PCBP3: variants seen among roughly 807,000 people sequenced by gnomAD.
PCBP3 encodes the protein poly(rC) binding protein 3, also known as poly(rC)-binding protein 3.
A neutral mutation model predicts 52.7 loss-of-function variants in PCBP3; 25 were observed. The ratio of observed to expected loss-of-function variants is 0.47; its 90% CI spans 0.35 to 0.66. PCBP3 has a LOEUF of 0.66. Ranked by LOEUF, PCBP3 falls within the 30% of genes least tolerant of loss-of-function variation. The pLI is 0.01. For synonymous variants in PCBP3, 162 were observed against 183.0 expected (o/e 0.89, Z 0.93); for missense variants, 391 against 490.3 (o/e 0.80, Z 1.91).
At chr21:45,744,596 T>G (rs953535118) in intron 3 of PCBP3, among the ~76,000 whole-genome samples, 3 of 152,220 alleles carry the variant, frequency 2.0e-5, no homozygotes, top group Non-Finnish European at 4.4e-5. Context: ...CCAAAATAGC[T>G]TTCATTTATA....
At chr21:45,677,115 G>C (rs1178685923) in intron 2 of PCBP3, among the ~76,000 whole-genome samples, 1 of 152,176 alleles carries the variant, frequency 6.6e-6, no homozygotes, top group Non-Finnish European at 1.5e-5. Context: ...AGTGAGGAAG[G>C]CATGTTGAAA....
chr21:45,854,693 G>T (rs1234648243), intron 5 of PCBP3, among the ~76,000 whole-genome samples: 9 of 152,246 alleles, frequency 5.9e-5, no homozygotes, highest in Admixed American at 5.9e-4. Context: ...CGGTGCCCTT[G>T]TGTGTGCCTA....
chr21:45,886,770 C>T (rs974947128), intron 5 of PCBP3, among the ~76,000 whole-genome samples: 8 of 152,156 alleles, frequency 5.3e-5, no homozygotes, highest in Admixed American at 1.3e-4. Context: ...TTACTGACCC[C>T]GCATTGCCTC....
At chr21:45,722,624 A>T (rs2148341004) in intron 2 of PCBP3, among the ~76,000 whole-genome samples, 1 of 152,304 alleles carries the variant, frequency 6.6e-6, no homozygotes, top group East Asian at 1.9e-4. Context: ...AGCTGTTATA[A>T]ATATTTTCTA....
intron 5 of PCBP3, among the ~76,000 whole-genome samples, chr21:45,856,224 T>G (rs1389209779): frequency 1.3e-5 from 2 of 152,182 alleles, no homozygotes; most frequent in Non-Finnish European, 2.9e-5. Context: ...ACATTTGCCA[T>G]GTATTGCCTC....
At chr21:45,860,456 A>C (rs1174179245) in intron 5 of PCBP3, among the ~76,000 whole-genome samples, 1 of 152,180 alleles carries the variant, frequency 6.6e-6, no homozygotes, top group Non-Finnish European at 1.5e-5. Context: ...TGTGTTGAAC[A>C]CGCAGTTGGG....
At chr21:45,747,579 C>T (rs1397949679) in intron 3 of PCBP3, among the ~76,000 whole-genome samples, 3 of 152,184 alleles carry the variant, frequency 2.0e-5, no homozygotes, top group South Asian at 2.1e-4. Flanking sequence ...TGTGGAAATG[C>T]GGGCCCCAGA....
Position 45,904,246 on chromosome 21 carries a change from C to T in PCBP3, c.339+3133C>T, listed in dbSNP as rs930314248. ...GGTACAAGCCTTCCAGTCATCAGTC[C>T]ATGGAGGAAGAGCTGAGATGTCTCC... On this transcript the variant is annotated intron_variant, in intron 9 of 17. Transcript: ENST00000681687. The surrounding 1 kb of genome is among the most constrained non-coding windows in gnomAD (Gnocchi z 4.8). Among the ~76,000 whole-genome samples the T allele has an allele frequency of 6.6e-6, 1 of 152,190 alleles. No homozygotes were observed. The highest frequency in any genetic ancestry group is 1.5e-5 in the Non-Finnish European group (1 of 68,032).
At chr21:45,901,585 T>G (rs2839039) in intron 9 of PCBP3, 149,623 of 187,590 alleles carry the variant, frequency 0.8, 60,807 homozygotes, top group East Asian at 1. Context: ...GATGTAGCCT[T>G]GCTGAGATAC....
chr21:45,878,221 G>A (rs917364309), intron 5 of PCBP3, among the ~76,000 whole-genome samples: 13 of 152,376 alleles, frequency 8.5e-5, no homozygotes, highest in South Asian at 2.1e-4. Context: ...TCTCCCACCA[G>A]AGGACCTGTG....
intron 9 of PCBP3, among the ~76,000 whole-genome samples, chr21:45,905,263 C>T (rs542519577): frequency 6.6e-6 from 1 of 152,346 alleles, no homozygotes; most frequent in East Asian, 1.9e-4. Context: ...TCTCCGTCTG[C>T]ACTGGCCTCG....
chr21:45,892,584 G>T (rs1213799431), intron 5 of PCBP3, among the ~76,000 whole-genome samples: 1 of 152,002 alleles, frequency 6.6e-6, no homozygotes, highest in African/African-American at 2.4e-5. Context: ...GGGGAAGCAG[G>T]CATGGTCTGT....
In PCBP3 at chr21:45,724,152, A is replaced by C. The variant is rs1159206787; in HGVS notation, c.-199-11240A>C. On this transcript the variant is annotated intron_variant, in intron 2 of 17. Transcript: ENST00000681687. This position sits in a 1 kb window ranked among gnomAD's most constrained non-coding sequence, Gnocchi z 5.3. Reference sequence around the variant, plus strand: ...TGAAGTCAGATCCTTCCTGTGGCCTATTTAGGTTTTAGGTAAAAACATAGC... The same window carrying C: ...TGAAGTCAGATCCTTCCTGTGGCCTCTTTAGGTTTTAGGTAAAAACATAGC... Among the ~76,000 whole-genome samples, 2 of 152,198 alleles carry C rather than the reference A, an allele frequency of 1.3e-5. No homozygotes were observed. Among genetic ancestry groups the C allele is most frequent in the Non-Finnish European group, 2.9e-5 (2 of 68,030 alleles).
At chr21:45,647,382 C>T (rs1004150322) in intron 1 of PCBP3, among the ~76,000 whole-genome samples, 1 of 152,192 alleles carries the variant, frequency 6.6e-6, no homozygotes, top group Non-Finnish European at 1.5e-5. Context: ...AAGGGCTCAC[C>T]TGTTCGGATT....
chr21:45,911,190 T>C (rs754547405), intron 11 of PCBP3, 160 bp downstream of exon 11: 2 of 792,730 alleles, frequency 2.5e-6, no homozygotes, highest in South Asian at 3.0e-5. Context: ...GCGGTGCCGG[T>C]ATGGGCGCCA....
At chr21:45,775,727 TTTC>T (rs1460889687) in intron 4 of PCBP3, among the ~76,000 whole-genome samples, 1 of 152,220 alleles carries the variant, frequency 6.6e-6, no homozygotes, top group African/African-American at 2.4e-5. Flanking sequence ...GCCTTCTTCT[TTTC>T]TTGGTTAGTC....
chr21:45,893,858 G>A (rs1056860184), intron 5 of PCBP3: 77 of 985,414 alleles, frequency 7.8e-5, no homozygotes, highest in Middle Eastern at 5.2e-4. Flanking sequence ...CCAGTGGTCC[G>A]AGCATGGGCT....
intron 5 of PCBP3, among the ~76,000 whole-genome samples, chr21:45,851,921 G>T (rs1485740157): frequency 1.3e-5 from 2 of 152,214 alleles, no homozygotes. Context: ...AACTTACACA[G>T]ATTGTTTCAG....
intron 2 of PCBP3, among the ~76,000 whole-genome samples, chr21:45,721,412 CAAA>C (rs34586187): frequency 1.3e-4 from 12 of 95,104 alleles, no homozygotes; most frequent in African/African-American, 3.1e-4. Context: ...GACTCCATCT[CAAA>C]AAAAAAAAAA....
Sources: allele counts gnomAD v4.1 joint callset (sites outside exome capture counted in the v4.1 genomes callset), GRCh38; gene constraint gnomAD v4.1.1; non-coding constraint Gnocchi (gnomAD v3.1); transcripts MANE v1.5; gene names NCBI Gene and HGNC (gene_info 2026-07-23, HGNC 2026-07-21).